The following AGAP1 variants were observed in gnomAD, a reference collection of about 807,000 sequenced individuals.
AGAP1 encodes the protein ArfGAP with GTPase domain, ankyrin repeat and PH domain 1.
In AGAP1, 29 loss-of-function variants were observed where a neutral mutation model predicts 105.3. The observed-to-expected ratio is 0.28, with a 90% CI of 0.21 to 0.38. AGAP1 has a LOEUF of 0.38. AGAP1 is among the 10% of genes least tolerant of loss of function. The probability of loss-of-function intolerance (pLI) is 1.00; values close to 1 mark genes in which losing one functional copy is unlikely to be tolerated. For synonymous variants in AGAP1, 509 were observed against 485.9 expected (o/e 1.05, Z -0.63); for missense variants, 998 against 1,165.1 (o/e 0.86, Z 2.09).
intron 6 of AGAP1, among the ~76,000 whole-genome samples, chr2:235,786,666 C>T (rs1017622961): frequency 1.3e-5 from 2 of 152,124 alleles, no homozygotes; most frequent in African/African-American, 2.4e-5. Flanking sequence ...GTAATAAGTC[C>T]ATTTTTCTGG....
At position 235,963,948 on chromosome 2, in the gene AGAP1, CAT is replaced by C. The variant is rs368122634; in HGVS notation, c.1484-4512_1484-4511del. ...TGTCTTCGAAATAGCGGTGTACACT[CAT>C]AAAAACAACCGCTGGATAACGGAAG... On this transcript the variant is annotated intron_variant, in intron 12 of 17. Transcript: ENST00000304032. This position sits in a 1 kb window ranked among gnomAD's most constrained non-coding sequence, Gnocchi z 5.1. Among the ~76,000 whole-genome samples, 19,544 of 151,982 alleles carry C rather than the reference CAT, an allele frequency of 0.13. 3,266 individuals are homozygous for C. Among genetic ancestry groups the C allele is most frequent in the African/African-American group, 0.39 (16,196 of 41,316 alleles).
Position 236,120,104 on chromosome 2 carries a change from CG to C in AGAP1, c.2115-86del, listed in dbSNP as rs1415254808. On this transcript the variant is annotated intron_variant, in intron 16 of 17. Transcript: ENST00000304032. This position sits in a 1 kb window ranked among gnomAD's most constrained non-coding sequence, Gnocchi z 6.0. ...GCTTTCTGTTATTTCACTTCCCTCTCGGCTTCTCCCGACCACACTGGGCAGG... is the reference window on the plus strand; with the variant it reads ...GCTTTCTGTTATTTCACTTCCCTCTCGCTTCTCCCGACCACACTGGGCAGG... The C allele has an allele frequency of 9.6e-5, 146 of 1,519,400 alleles. No homozygotes were observed. Among genetic ancestry groups the C allele is most frequent in the Non-Finnish European group, 1.2e-4 (140 of 1,132,182 alleles). 94.1% of individuals were successfully genotyped at this position (1,519,400 alleles called of 1,614,324 possible).
chr2:235,717,445 T>C, intron 2 of AGAP1, 112 bp from the exon 3 acceptor site: 1 of 812,950 alleles, frequency 1.2e-6, no homozygotes, highest in Non-Finnish European at 1.9e-6. Flanking sequence ...ATCCAGCCAG[T>C]GCTTGGTTAT....
chr2:235,573,077 T>C lies in AGAP1; in HGVS notation c.163+78228T>C, dbSNP rs13031736. ...TTCTTCTTCTTTCTTCTTTCTTCTTTCTTCTTTCTTCTTTCTTCTTCTTCT... is the reference window on the plus strand; with the variant it reads ...TTCTTCTTCTTTCTTCTTTCTTCTTCCTTCTTTCTTCTTTCTTCTTCTTCT... On this transcript the variant is annotated intron_variant, in intron 1 of 17. Transcript: ENST00000304032. Among the ~76,000 whole-genome samples, 15 of 135,630 alleles carry C rather than the reference T, an allele frequency of 1.1e-4. 4 individuals are homozygous for C. The highest frequency in any genetic ancestry group is 4.4e-4 in the African/African-American group (14 of 31,608). The allele number at this position is 135,630 out of a possible 152,430, so 89.0% of individuals were successfully genotyped here. A position where few individuals can be genotyped will look rare whatever the true frequency, so the allele number is the denominator to read the frequency against.
intron 1 of AGAP1, among the ~76,000 whole-genome samples, chr2:235,661,115 A>G (rs1214952577): frequency 6.6e-6 from 1 of 152,166 alleles, no homozygotes; most frequent in Non-Finnish European, 1.5e-5. Flanking sequence ...GGGGTGGGTC[A>G]GCAAGGACGT....
In AGAP1 at chr2:235,700,420, A is replaced by G. The variant is rs528637161; in HGVS notation, c.164-8759A>G. 3.9e-5 allele frequency among the ~76,000 whole-genome samples: 6 copies of G among 152,226 alleles called. No individual in the cohort carries two copies. The highest frequency in any genetic ancestry group is 8.8e-5 in the Non-Finnish European group (6 of 68,016). On this transcript the variant is annotated intron_variant, in intron 1 of 17. Coordinates refer to ENST00000304032, the MANE Select transcript of AGAP1 (RefSeq NM_001037131.3). The surrounding 1 kb of genome is among the most constrained non-coding windows in gnomAD (Gnocchi z 6.1). ...GTGAATCCTTTAAGCAGTGCTTTACACACCCACGACAAGGGCGTTCTTGGG... is the reference window on the plus strand; with the variant it reads ...GTGAATCCTTTAAGCAGTGCTTTACGCACCCACGACAAGGGCGTTCTTGGG...
At position 235,989,683 on chromosome 2, in the gene AGAP1, A is replaced by T. The variant is rs1056319399; in HGVS notation, c.1645+21060A>T. Among the ~76,000 whole-genome samples the T allele has an allele frequency of 3.3e-5, 5 of 152,108 alleles. No homozygotes were observed. Among genetic ancestry groups the T allele is most frequent in the African/African-American group, 1.2e-4 (5 of 41,412 alleles). On this transcript the variant is annotated intron_variant, in intron 13 of 17. Transcript: ENST00000304032. The surrounding 1 kb of genome is among the most constrained non-coding windows in gnomAD (Gnocchi z 4.4). Reference sequence around the variant, plus strand: ...GCTCCTGGGTGTTGGTTGGAGAAAGAGTCATGAATCAAGGAGCCCAGGAGG... The same window carrying T: ...GCTCCTGGGTGTTGGTTGGAGAAAGTGTCATGAATCAAGGAGCCCAGGAGG...
At position 235,788,870 on chromosome 2, in the gene AGAP1, C is replaced by G. The variant is rs1443092975; in HGVS notation, c.674-8889C>G. ...TTTCGGCATCTCTCAGTGGGGTGAA[C>G]GTTTGCATGTTGGTGCTTCTGAACA... On this transcript the variant is annotated intron_variant, in intron 6 of 17. Coordinates refer to ENST00000304032, the MANE Select transcript of AGAP1 (RefSeq NM_001037131.3). This position sits in a 1 kb window ranked among gnomAD's most constrained non-coding sequence, Gnocchi z 6.0. 6.6e-6 allele frequency among the ~76,000 whole-genome samples: 1 copy of G among 152,140 alleles called. No individual in the cohort carries two copies. Among genetic ancestry groups the G allele is most frequent in the East Asian group, 1.9e-4 (1 of 5,198 alleles).
At position 235,753,650 on chromosome 2, in the gene AGAP1, C is replaced by G. The variant is rs1387376997; in HGVS notation, c.673+3162C>G. The stretch of plus-strand genomic sequence containing the variant: ...GAACCTGGGAGGCGGAGGTTGCAGT[C>G]AGCTGAGATTGCACAATTGCGCTCC... On this transcript the variant is annotated intron_variant, in intron 6 of 17. Transcript: ENST00000304032. The surrounding 1 kb of genome is among the most constrained non-coding windows in gnomAD (Gnocchi z 4.5). Among the ~76,000 whole-genome samples, 2 of 151,520 alleles carry G rather than the reference C, an allele frequency of 1.3e-5. No individual in the cohort carries two copies. The highest frequency in any genetic ancestry group is 1.3e-4 in the Admixed American group (2 of 15,190).
At chr2:235,743,767 G>A (rs1469520378) in intron 4 of AGAP1, among the ~76,000 whole-genome samples, 2 of 152,224 alleles carry the variant, frequency 1.3e-5, no homozygotes, top group African/African-American at 2.4e-5. Flanking sequence ...TTTAGGGAAA[G>A]CAGACGGGAT....
At chr2:235,538,110 C>G (rs1044438729) in intron 1 of AGAP1, among the ~76,000 whole-genome samples, 3 of 152,110 alleles carry the variant, frequency 2.0e-5, no homozygotes, top group Admixed American at 6.5e-5. Context: ...TTCAGAGAAC[C>G]ACTATGAAGT....
intron 1 of AGAP1, chr2:235,505,692 C>T (rs976953256): frequency 6.6e-6 from 1 of 152,082 alleles, no homozygotes; most frequent in African/African-American, 2.4e-5. Context: ...GGGGCGGAGT[C>T]CAGGGAGAGA....
chr2:236,038,355 C>T lies in AGAP1; in HGVS notation c.1800+1640C>T, dbSNP rs1178869502. Among the ~76,000 whole-genome samples, 4 of 152,204 alleles carry T rather than the reference C, an allele frequency of 2.6e-5. No individual in the cohort carries two copies. The highest frequency in any genetic ancestry group is 6.5e-5 in the Admixed American group (1 of 15,282). On this transcript the variant is annotated intron_variant, in intron 14 of 17. Transcript: ENST00000304032. The surrounding 1 kb of genome is among the most constrained non-coding windows in gnomAD (Gnocchi z 4.5). Reference sequence around the variant, plus strand: ...TTCATGGAGAAATCACAGTCTTTCACGGCAGACTCTGAGCCCCTGCCACCT... The same window carrying T: ...TTCATGGAGAAATCACAGTCTTTCATGGCAGACTCTGAGCCCCTGCCACCT...
rs141253292 is a variant in AGAP1, at chr2:235,622,381, T to G, written c.164-86798T>G. ...CTCATCCTTCAGAGCTCCCTGAGCT[T>G]CTTCACGGCCACGCTGCTCTCCTGC... On this transcript the variant is annotated intron_variant, in intron 1 of 17. Coordinates refer to ENST00000304032, the MANE Select transcript of AGAP1 (RefSeq NM_001037131.3). This position sits in a 1 kb window ranked among gnomAD's most constrained non-coding sequence, Gnocchi z 5.0. Among the ~76,000 whole-genome samples the G allele has an allele frequency of 6.7e-3, 1,021 of 152,266 alleles. 5 individuals are homozygous for G. Among genetic ancestry groups the G allele is most frequent in the Non-Finnish European group, 9.6e-3 (650 of 68,022 alleles).
At chr2:235,616,054 A>G (rs1220212998) in intron 1 of AGAP1, among the ~76,000 whole-genome samples, 1 of 152,198 alleles carries the variant, frequency 6.6e-6, no homozygotes, top group Non-Finnish European at 1.5e-5. Flanking sequence ...ATTAAAGAGT[A>G]ACAATTAAAA....
rs1376552309 is a variant in AGAP1, at chr2:235,737,650, T to A, written c.311-3313T>A. Among the ~76,000 whole-genome samples, 5 of 152,204 alleles carry A rather than the reference T, an allele frequency of 3.3e-5. No homozygotes were observed. The highest frequency in any genetic ancestry group is 7.3e-5 in the Non-Finnish European group (5 of 68,044). On this transcript the variant is annotated intron_variant, in intron 3 of 17. Transcript: ENST00000304032. This position sits in a 1 kb window ranked among gnomAD's most constrained non-coding sequence, Gnocchi z 4.5. ...GAGAGGATGGACGTGAAATCCGTCC[T>A]ATGCATGCTCACCTGACATGCAACA... is the stretch of plus-strand genomic sequence containing the variant.
Position 235,867,163 on chromosome 2 carries a change from C to T in AGAP1, c.1051-16182C>T, listed in dbSNP as rs2049212869. Among the ~76,000 whole-genome samples, 2 of 152,122 alleles carry T rather than the reference C, an allele frequency of 1.3e-5. No homozygotes were observed. The highest frequency in any genetic ancestry group is 1.3e-4 in the Admixed American group (2 of 15,272). ...TTCAGGGGAAAAGAATTGAATTTGCCAATTTACATTAAAGTTTCTGGCCTC... is the reference window on the plus strand; with the variant it reads ...TTCAGGGGAAAAGAATTGAATTTGCTAATTTACATTAAAGTTTCTGGCCTC... On this transcript the variant is annotated intron_variant, in intron 9 of 17. Coordinates refer to ENST00000304032, the MANE Select transcript of AGAP1 (RefSeq NM_001037131.3). The surrounding 1 kb of genome is among the most constrained non-coding windows in gnomAD (Gnocchi z 5.4).
chr2:235,862,955 G>C (rs963460828), intron 9 of AGAP1, among the ~76,000 whole-genome samples: 25 of 152,180 alleles, frequency 1.6e-4, no homozygotes, highest in Non-Finnish European at 3.1e-4. Context: ...CAGGGCATAT[G>C]TATGTAGTTA....
At chr2:235,738,232 A>C (rs1003810993) in intron 3 of AGAP1, among the ~76,000 whole-genome samples, 2 of 152,090 alleles carry the variant, frequency 1.3e-5, no homozygotes, top group Admixed American at 1.3e-4. Flanking sequence ...GATTAAAAAC[A>C]CTTGGGGGTG....
Sources: allele counts gnomAD v4.1 joint callset (sites outside exome capture counted in the v4.1 genomes callset), GRCh38; gene constraint gnomAD v4.1.1; non-coding constraint Gnocchi (gnomAD v3.1); transcripts MANE v1.5; gene names NCBI Gene and HGNC (gene_info 2026-07-23, HGNC 2026-07-21).